The following MLLT3 variants were observed in gnomAD, a reference collection of about 807,000 sequenced individuals.
The protein encoded by MLLT3 is MLLT3 super elongation complex subunit.
MLLT3 carries 4 observed loss-of-function variants against 53.2 expected under a neutral mutation model. The observed-to-expected ratio is 0.08, with a 90% CI of 0.04 to 0.17. The LOEUF is 0.17. MLLT3 is among the 10% of genes least tolerant of loss of function. The pLI, the probability that MLLT3 is intolerant of heterozygous loss-of-function variation, is 1.00. For missense variants in MLLT3, 569 were observed against 684.0 expected, an observed-to-expected ratio of 0.83 and a Z score of 1.87; for synonymous variants, 283 against 230.6, an observed-to-expected ratio of 1.23 and a Z score of -2.06.
At chr9:20,488,625 T>C (rs1351728701) in intron 2 of MLLT3, among the ~76,000 whole-genome samples, 9 of 152,124 alleles carry the variant, frequency 5.9e-5, no homozygotes, top group Admixed American at 5.2e-4. Context: ...TCTCCAAAAA[T>C]AGTTAAAATT....
rs377543754 is a variant in MLLT3 at position 20,423,242 on chromosome 9, G to T, written c.421-8817C>A. Among the ~76,000 whole-genome samples the T allele has an allele frequency of 2.1e-3, 322 of 152,248 alleles. 13 individuals are homozygous for T. In the South Asian group the frequency reaches 0.066, roughly 31 times the overall value. On this transcript the variant is annotated intron_variant, in intron 4 of 10. Coordinates refer to ENST00000380338, the MANE Select transcript of MLLT3 (RefSeq NM_004529.4). Reference sequence around the variant, plus strand: ...ATTTTTATTTACACTTGTAAAGTCAGTGGGTTTCAAAATCAGCTGTCAATC... The same window carrying T: ...ATTTTTATTTACACTTGTAAAGTCATTGGGTTTCAAAATCAGCTGTCAATC...
At chr9:20,370,115 A>G (rs1821560526) in intron 5 of MLLT3, among the ~76,000 whole-genome samples, 1 of 152,190 alleles carries the variant, frequency 6.6e-6, no homozygotes, top group Admixed American at 6.5e-5. Context: ...GTTTCTTTCA[A>G]TGGTATGTTC....
At chr9:20,501,957 T>C (rs1371311823) in intron 2 of MLLT3, among the ~76,000 whole-genome samples, 1 of 151,284 alleles carries the variant, frequency 6.6e-6, no homozygotes, top group East Asian at 2.0e-4. Context: ...GACACACACC[T>C]GTAATCCCAG....
chr9:20,394,198 A>C (rs1822261920), intron 5 of MLLT3, among the ~76,000 whole-genome samples: 1 of 152,134 alleles, frequency 6.6e-6, no homozygotes, highest in Non-Finnish European at 1.5e-5. Context: ...CACCCAAAGA[A>C]AAAGGTCCAG....
intron 2 of MLLT3, among the ~76,000 whole-genome samples, chr9:20,597,488 C>A (rs976433478): frequency 6.6e-6 from 1 of 152,072 alleles, no homozygotes; most frequent in Admixed American, 6.5e-5. Flanking sequence ...ATTTCCTTTA[C>A]AACAAATTTA....
In MLLT3 at chr9:20,621,895, C is replaced by T. The variant is rs550929760; in HGVS notation, c.12+350G>A. On this transcript the variant is annotated intron_variant, in intron 1 of 10. Transcript: ENST00000380338. This position sits in a 1 kb window ranked among gnomAD's most constrained non-coding sequence, Gnocchi z 7.0. Reference sequence around the variant, plus strand: ...ATATGGCTGAGTTATTATTCGCCTCCTTCCACCGTGTGTGTGTGTGTGTGT... The same window carrying T: ...ATATGGCTGAGTTATTATTCGCCTCTTTCCACCGTGTGTGTGTGTGTGTGT... 497 of 1,366,482 alleles carry T rather than the reference C, an allele frequency of 3.6e-4. 5 individuals carry two copies. In the East Asian group the frequency reaches 0.011, roughly 30 times the overall value. The allele number at this position is 1,366,482 out of a possible 1,614,324, so 84.6% of individuals were successfully genotyped here. A position where few individuals can be genotyped will look rare whatever the true frequency, so the allele number is the denominator to read the frequency against.
At chr9:20,371,571 C>T (rs1041530394) in intron 5 of MLLT3, among the ~76,000 whole-genome samples, 3 of 152,328 alleles carry the variant, frequency 2.0e-5, no homozygotes, top group Admixed American at 2.0e-4. Context: ...TGGATGACAG[C>T]ACATCTGCCT....
intron 2 of MLLT3, among the ~76,000 whole-genome samples, chr9:20,475,829 A>G (rs1051566644): frequency 6.6e-6 from 1 of 152,086 alleles, no homozygotes. Flanking sequence ...AATACACACA[A>G]TATTTCATTT....
chr9:20,360,921 C>A, intron 7 of MLLT3, 80 bp from the exon 8 acceptor site: 1 of 1,235,730 alleles, frequency 8.1e-7, no homozygotes, highest in South Asian at 1.2e-5. Flanking sequence ...GCGTGGAAAG[C>A]ACAGAATCCA....
intron 4 of MLLT3, among the ~76,000 whole-genome samples, chr9:20,423,911 G>A (rs1380322608): frequency 6.6e-6 from 1 of 152,066 alleles, no homozygotes; most frequent in South Asian, 2.1e-4. Context: ...ACTCCAGCCT[G>A]AGCAACAGAG....
At chr9:20,373,286 C>A (rs989194354) in intron 5 of MLLT3, among the ~76,000 whole-genome samples, 1 of 152,120 alleles carries the variant, frequency 6.6e-6, no homozygotes, top group Non-Finnish European at 1.5e-5. Context: ...TCTTTACTAC[C>A]AAAACAATGG....
chr9:20,522,662 C>G (rs568158549), intron 2 of MLLT3, among the ~76,000 whole-genome samples: 1 of 138,960 alleles, frequency 7.2e-6, no homozygotes, highest in African/African-American at 2.7e-5. Context: ...AGAAAATAAA[C>G]AGAATAAAAA....
chr9:20,487,002 G>C (rs1036032173), intron 2 of MLLT3, among the ~76,000 whole-genome samples: 6 of 152,104 alleles, frequency 3.9e-5, no homozygotes, highest in Admixed American at 2.6e-4. Context: ...GAATGCATTT[G>C]TGATTATCAA....
In MLLT3 at chr9:20,569,960, C is replaced by A. The variant is rs375651200; in HGVS notation, c.193+50694G>T. On this transcript the variant is annotated intron_variant, in intron 2 of 10. Coordinates refer to ENST00000380338, the MANE Select transcript of MLLT3 (RefSeq NM_004529.4). Reference sequence around the variant, plus strand: ...AAATGAACCGTTGGCTCCTCATTTGCCCCCAGCTGGCCCAAACTACATTCC... The same window carrying A: ...AAATGAACCGTTGGCTCCTCATTTGACCCCAGCTGGCCCAAACTACATTCC... Among the ~76,000 whole-genome samples, 36 of 152,126 alleles carry A rather than the reference C, an allele frequency of 2.4e-4. 1 individual carries two copies. Among genetic ancestry groups the A allele is most frequent in the Non-Finnish European group, 7.4e-5 (5 of 68,020 alleles).
intron 2 of MLLT3, among the ~76,000 whole-genome samples, chr9:20,600,884 T>G (rs900596248): frequency 2.6e-5 from 4 of 152,130 alleles, no homozygotes; most frequent in African/African-American, 9.7e-5. Context: ...TGGGAAAAAA[T>G]TTAAACCAAA....
At chr9:20,541,527 GAC>G (rs958182051) in intron 2 of MLLT3, among the ~76,000 whole-genome samples, 1 of 152,188 alleles carries the variant, frequency 6.6e-6, no homozygotes, top group African/African-American at 2.4e-5. Flanking sequence ...CAGCAGGAGA[GAC>G]AGCACAAAGG....
intron 2 of MLLT3, among the ~76,000 whole-genome samples, chr9:20,501,426 G>A (rs559301783): frequency 6.6e-6 from 1 of 152,212 alleles, no homozygotes; most frequent in East Asian, 1.9e-4. Context: ...AATATCCAAA[G>A]GAGCCCTCAT....
intron 8 of MLLT3, among the ~76,000 whole-genome samples, chr9:20,359,393 G>A (rs1821261634): frequency 6.6e-6 from 1 of 152,142 alleles, no homozygotes; most frequent in Admixed American, 6.5e-5. Flanking sequence ...AGCACAGCTG[G>A]CCCTGAAGAT....
intron 2 of MLLT3, among the ~76,000 whole-genome samples, chr9:20,579,718 C>A (rs908591468): frequency 1.3e-5 from 2 of 152,120 alleles, no homozygotes; most frequent in Non-Finnish European, 2.9e-5. Flanking sequence ...GCTCTAACCC[C>A]ACCCTTTTTA....
Sources: allele counts gnomAD v4.1 joint callset (sites outside exome capture counted in the v4.1 genomes callset), GRCh38; gene constraint gnomAD v4.1.1; non-coding constraint Gnocchi (gnomAD v3.1); transcripts MANE v1.5; gene names NCBI Gene and HGNC (gene_info 2026-07-23, HGNC 2026-07-21).